Variants in SOX5 observed in about 807,000 individuals in gnomAD.
The protein encoded by SOX5 is transcription factor SOX-5.
In SOX5, 9 loss-of-function variants were observed where a neutral mutation model predicts 92.0. That is an observed-to-expected ratio of 0.10 (90% CI 0.06 to 0.17). SOX5 has a LOEUF of 0.17. SOX5 is among the 10% of genes least tolerant of loss of function. The pLI is 1.00. For missense variants in SOX5, 642 were observed against 944.5 expected, an observed-to-expected ratio of 0.68 and a Z score of 4.20; for synonymous variants, 344 against 336.3, an observed-to-expected ratio of 1.02 and a Z score of -0.25.
chr12:24,258,472 C>T (rs1941590712), intron 3 of SOX5, among the ~76,000 whole-genome samples: 1 of 152,036 alleles, frequency 6.6e-6, no homozygotes, highest in Admixed American at 6.6e-5. Context: ...TTCTGTTAGC[C>T]ATTTTCTAAT....
intron 6 of SOX5, among the ~76,000 whole-genome samples, chr12:23,709,060 T>C (rs962068524): frequency 2.7e-5 from 4 of 150,748 alleles, no homozygotes; most frequent in African/African-American, 9.7e-5. Flanking sequence ...AGTAGAAGGT[T>C]AGGGACAAAC....
chr12:23,553,388 G>GTGTAA (rs1944562816), intron 11 of SOX5, among the ~76,000 whole-genome samples: 1 of 152,000 alleles, frequency 6.6e-6, no homozygotes, highest in Admixed American at 6.6e-5. Flanking sequence ...TGGCCCGGAT[G>GTGTAA]TGTAATGTAC....
chr12:23,980,475 C>T (rs111581464), intron 4 of SOX5, among the ~76,000 whole-genome samples: 6 of 152,092 alleles, frequency 3.9e-5, no homozygotes, highest in African/African-American at 1.2e-4. Flanking sequence ...GATGTATGTC[C>T]TGTTCATGAA....
chr12:24,153,153 A>G lies in SOX5; in HGVS notation c.-2+60190T>C, dbSNP rs139413492. On this transcript the variant is annotated intron_variant, in intron 4 of 4. Coordinates refer to the SOX5 transcript ENST00000446891. ...CACCAAACCTCCCATTGTGCTTTCA[A>G]TTTAACAGCATCACAAGCAGACAAA... Among the ~76,000 whole-genome samples, 564 of 152,254 alleles carry G rather than the reference A, an allele frequency of 3.7e-3. 4 individuals are homozygous for G. The highest frequency in any genetic ancestry group is 0.013 in the African/African-American group (539 of 41,568).
chr12:23,805,172 A>G (rs1391850108), intron 3 of SOX5, among the ~76,000 whole-genome samples: 1 of 151,634 alleles, frequency 6.6e-6, no homozygotes, highest in African/African-American at 2.4e-5. Flanking sequence ...AACTTGTGAG[A>G]AATAATATAG....
intron 6 of SOX5, among the ~76,000 whole-genome samples, chr12:23,679,255 G>A (rs12306006): frequency 3.3e-4 from 50 of 152,070 alleles, no homozygotes; most frequent in African/African-American, 1.2e-3. Context: ...CCAAACCTCA[G>A]TCTCTCACAC....
chr12:24,349,685 A>G (rs752638063), intron 2 of SOX5, among the ~76,000 whole-genome samples: 1 of 152,330 alleles, frequency 6.6e-6, no homozygotes, highest in Non-Finnish European at 1.5e-5. Context: ...TTATCCACCA[A>G]TGGACACTTT....
chr12:24,364,511 C>CATATATATAT (rs58135899), intron 2 of SOX5, among the ~76,000 whole-genome samples: 3,073 of 110,146 alleles, frequency 0.028, 88 homozygotes, highest in East Asian at 0.045. Flanking sequence ...AACATTTTTT[C>CATATATATAT]ATATATATAT....
intron 4 of SOX5, among the ~76,000 whole-genome samples, chr12:23,971,146 G>T: frequency 4.7e-5 from 1 of 21,242 alleles, no homozygotes; most frequent in Non-Finnish European, 8.1e-5. Context: ...TTTTTGAGAG[G>T]GAGTCTTGCT....
rs182292630 is a variant in SOX5 at position 24,262,469 on chromosome 12, G to A, written c.-77+14747C>T. ...AACAATGATTTCTCCCAGATGTTGT[G>A]GAGCAATAAATTTGAGATTGTTGTC... On this transcript the variant is annotated intron_variant, in intron 3 of 4. Coordinates refer to the SOX5 transcript ENST00000446891. Among the ~76,000 whole-genome samples the A allele has an allele frequency of 5.1e-4, 78 of 152,230 alleles. No homozygotes were observed. In the Middle Eastern group the frequency reaches 0.01, roughly 20 times the overall value.
intron 3 of SOX5, among the ~76,000 whole-genome samples, chr12:23,790,635 TTAAC>T (rs1009205839): frequency 6.6e-6 from 1 of 151,932 alleles, no homozygotes; most frequent in Non-Finnish European, 1.5e-5. Flanking sequence ...ACTATTGATC[TTAAC>T]TATTTCTATT....
rs755359294 is a variant in SOX5 at position 23,575,653 on chromosome 12, G to T, written c.1342+8C>A. 1 of 1,613,408 alleles carries T rather than the reference G, an allele frequency of 6.2e-7. No homozygotes were observed. The highest frequency in any genetic ancestry group is 1.3e-5 in the African/African-American group (1 of 74,902). On this transcript the variant is annotated splice_region_variant and intron_variant, in intron 10 of 14. Transcript: ENST00000451604. The stretch of plus-strand genomic sequence containing the variant: ...AAAATCAGCAAGAACAAAAGAAACA[G>T]AACTTACCTATTGTGCTAACTCTGG...
chr12:24,471,383 A>T (rs1185319403), intron 1 of SOX5, among the ~76,000 whole-genome samples: 1 of 152,192 alleles, frequency 6.6e-6, no homozygotes, highest in Non-Finnish European at 1.5e-5. Flanking sequence ...ACATGCTATT[A>T]GGACTTTCTG....
intron 10 of SOX5, among the ~76,000 whole-genome samples, chr12:23,570,930 AATATAT>A (rs1164831816): frequency 3.4e-3 from 67 of 19,884 alleles, no homozygotes; most frequent in African/African-American, 0.011. Context: ...AAAAAAAAAA[AATATAT>A]ATATATATAT....
At chr12:24,259,586 T>A (rs1459637207) in intron 3 of SOX5, among the ~76,000 whole-genome samples, 2 of 152,146 alleles carry the variant, frequency 1.3e-5, no homozygotes, top group Non-Finnish European at 2.9e-5. Context: ...ATATGATCAA[T>A]GAAATAGATT....
intron 4 of SOX5, among the ~76,000 whole-genome samples, chr12:24,204,308 CATTATT>C (rs1555173282): frequency 6.7e-6 from 1 of 148,338 alleles, no homozygotes; most frequent in Non-Finnish European, 1.5e-5. Flanking sequence ...TTTATTTTTC[CATTATT>C]ATTATTATTA....
chr12:24,467,968 A>T (rs1010525837), intron 1 of SOX5, among the ~76,000 whole-genome samples: 8 of 152,236 alleles, frequency 5.3e-5, no homozygotes, highest in Non-Finnish European at 1.2e-4. Flanking sequence ...GTCTATGCCA[A>T]TATCCTTGGA....
intron 1 of SOX5, among the ~76,000 whole-genome samples, chr12:24,477,157 G>A (rs1202474236): frequency 6.8e-6 from 1 of 147,670 alleles, no homozygotes; most frequent in Non-Finnish European, 1.5e-5. Context: ...CTGTTTAGAT[G>A]GAGTCACGCT....
chr12:23,851,732 A>T (rs1020067783), intron 2 of SOX5, among the ~76,000 whole-genome samples: 3 of 151,852 alleles, frequency 2.0e-5, no homozygotes, highest in African/African-American at 7.3e-5. Flanking sequence ...CGAGAGAGAG[A>T]GCTTATCACA....
Sources: allele counts gnomAD v4.1 joint callset (sites outside exome capture counted in the v4.1 genomes callset), GRCh38; gene constraint gnomAD v4.1.1; transcripts MANE v1.5; gene names NCBI Gene and HGNC (gene_info 2026-07-23, HGNC 2026-07-21).